The following ZRANB3 variants were observed in gnomAD, a reference collection of about 807,000 sequenced individuals.
The protein encoded by ZRANB3 is DNA annealing helicase and endonuclease ZRANB3.
Under a neutral mutation model 133.8 loss-of-function variants are expected in ZRANB3, and 125 were observed. The observed-to-expected ratio is 0.93, with a 90% confidence interval of 0.81 to 1.08. The LOEUF (loss-of-function observed/expected upper bound fraction) is 1.08. Ranked by LOEUF, ZRANB3 falls within the 50% of genes least tolerant of loss-of-function variation. The probability of loss-of-function intolerance (pLI) is 0.00; values close to 1 mark genes in which losing one functional copy is unlikely to be tolerated. For missense variants in ZRANB3, 1,229 were observed against 1,275.5 expected (o/e 0.96, Z 0.56); for synonymous variants, 387 against 432.7 (o/e 0.89, Z 1.31).
chr2:135,434,818 T>C (rs148791280), intron 2 of ZRANB3, among the ~76,000 whole-genome samples: 24 of 152,338 alleles, frequency 1.6e-4, no homozygotes, highest in Admixed American at 1.6e-3. Context: ...CATGGAGTTT[T>C]TGTAAATGAA....
intron 12 of ZRANB3, among the ~76,000 whole-genome samples, chr2:135,234,085 A>G (rs1307795773): frequency 6.6e-6 from 1 of 152,218 alleles, no homozygotes; most frequent in Non-Finnish European, 1.5e-5. Flanking sequence ...CTCAAAATAA[A>G]GGGATGGAGG....
intron 12 of ZRANB3, among the ~76,000 whole-genome samples, chr2:135,255,817 T>C (rs968681268): frequency 1.3e-5 from 2 of 151,972 alleles, no homozygotes; most frequent in Non-Finnish European, 2.9e-5. Flanking sequence ...TGAACAATCC[T>C]GGGCAATAGA....
intron 8 of ZRANB3, among the ~76,000 whole-genome samples, chr2:135,293,208 TG>T (rs1290242238): frequency 1.3e-5 from 2 of 152,224 alleles, no homozygotes; most frequent in African/African-American, 4.8e-5. Context: ...TTCATGACAT[TG>T]ATTCTTCCTA....
At chr2:135,340,231 G>A (rs1005872639) in intron 6 of ZRANB3, among the ~76,000 whole-genome samples, 88 of 151,336 alleles carry the variant, frequency 5.8e-4, no homozygotes, top group African/African-American at 2.1e-3. Flanking sequence ...TCAGCCTCCT[G>A]AGTAGCTGGG....
intron 5 of ZRANB3, among the ~76,000 whole-genome samples, chr2:135,347,861 A>C (rs1012864505): frequency 1.3e-5 from 2 of 152,190 alleles, no homozygotes; most frequent in African/African-American, 4.8e-5. Flanking sequence ...GACTATGTTA[A>C]ACAAGAAGAA....
intron 12 of ZRANB3, among the ~76,000 whole-genome samples, chr2:135,260,835 T>C (rs1305189407): frequency 6.9e-6 from 1 of 145,424 alleles, no homozygotes. Flanking sequence ...ATATTCTATA[T>C]ATATACTATA....
chr2:135,253,486 T>C lies in ZRANB3; in HGVS notation c.1539+12048A>G, dbSNP rs1490889583. Among the ~76,000 whole-genome samples the C allele has an allele frequency of 2.6e-5, 4 of 152,024 alleles. 1 individual carries two copies. The highest frequency in any genetic ancestry group is 6.3e-3 in the Middle Eastern group (2 of 316). ...GGAGATACAGACACACTCCGAGAAATGTATCTTTAGGTGATTTTGCAGTTG... is the reference window on the plus strand; with the variant it reads ...GGAGATACAGACACACTCCGAGAAACGTATCTTTAGGTGATTTTGCAGTTG... On this transcript the variant is annotated intron_variant, in intron 12 of 20. Coordinates refer to ENST00000264159, the MANE Select transcript of ZRANB3 (RefSeq NM_032143.4).
At chr2:135,250,436 A>C (rs1286764166) in intron 12 of ZRANB3, among the ~76,000 whole-genome samples, 3 of 152,244 alleles carry the variant, frequency 2.0e-5, no homozygotes, top group Admixed American at 2.0e-4. Context: ...AAGGAGCCTA[A>C]TGTTAATCCC....
At chr2:135,244,107 CAAAAA>C (rs566334496) in intron 12 of ZRANB3, among the ~76,000 whole-genome samples, 2 of 121,488 alleles carry the variant, frequency 1.6e-5, no homozygotes, top group Admixed American at 8.3e-5. Flanking sequence ...ATTTCCCCAC[CAAAAA>C]AAAAAAAAAA....
intron 1 of ZRANB3, among the ~76,000 whole-genome samples, chr2:135,525,214 C>T (rs900859430): frequency 5.3e-5 from 8 of 151,800 alleles, no homozygotes; most frequent in Admixed American, 5.3e-4. Context: ...AGACTAAACA[C>T]CAAAGGATAA....
At chr2:135,362,618 A>G (rs191851782) in intron 3 of ZRANB3, among the ~76,000 whole-genome samples, 70 of 152,300 alleles carry the variant, frequency 4.6e-4, no homozygotes, top group Non-Finnish European at 7.1e-4. Context: ...AGGCTCTGGA[A>G]TGGTCTGAGA....
chr2:135,382,831 C>T (rs1013559319), intron 3 of ZRANB3, among the ~76,000 whole-genome samples: 1 of 152,118 alleles, frequency 6.6e-6, no homozygotes, highest in Admixed American at 6.6e-5. Flanking sequence ...AAAAGAGCTC[C>T]TGAAGGAAGC....
rs771804305 is a variant in ZRANB3, at chr2:135,271,884, G to A, written c.1090C>T (p.Arg364Cys). The A allele has an allele frequency of 4.7e-5, 75 of 1,611,768 alleles. No homozygotes were observed. The highest frequency in any genetic ancestry group is 6.1e-5 in the Non-Finnish European group (72 of 1,179,278). The change falls in exon 10 of 21, where the codon CGT becomes TGT. Residue 364 changes from arginine (R) to cysteine (C), a missense_variant. Arg to Cys is a radical substitution (Grantham distance 180, BLOSUM62 -3). Coordinates refer to ENST00000264159, the MANE Select transcript of ZRANB3 (RefSeq NM_032143.4). The stretch of plus-strand genomic sequence containing the variant: ...ACACTTCCATCTATCCTAATGTAAC[G>A]AGTCTAGCATCAACAAGGAAAACGG... ...CTEAVIENKT[R>C]YIRIDGSVSS...
intron 3 of ZRANB3, among the ~76,000 whole-genome samples, chr2:135,365,379 G>T (rs975731904): frequency 6.6e-6 from 1 of 152,166 alleles, no homozygotes; most frequent in African/African-American, 2.4e-5. Context: ...CACTGAAAGG[G>T]TATCTAATTT....
intron 8 of ZRANB3, among the ~76,000 whole-genome samples, chr2:135,309,606 A>G (rs1442267039): frequency 6.6e-6 from 1 of 152,224 alleles, no homozygotes; most frequent in Admixed American, 6.5e-5. Flanking sequence ...AAACCTGGAA[A>G]TTTACATTTT....
intron 8 of ZRANB3, among the ~76,000 whole-genome samples, chr2:135,299,807 G>A (rs1288468964): frequency 6.6e-6 from 1 of 152,122 alleles, no homozygotes; most frequent in Non-Finnish European, 1.5e-5. Context: ...CTGTAGCATA[G>A]CGTTGTACAT....
intron 9 of ZRANB3, among the ~76,000 whole-genome samples, chr2:135,272,420 T>TTTTTTTTTTTTTTTTTTC: frequency 7.1e-6 from 1 of 140,652 alleles, no homozygotes; most frequent in African/African-American, 3.0e-5. Flanking sequence ...AGAGCTTTTT[T>TTTTTTTTTTTTTTTTTTC]TTTTTTTTTT....
At chr2:135,427,352 A>G (rs1461547052) in intron 2 of ZRANB3, among the ~76,000 whole-genome samples, 1 of 152,170 alleles carries the variant, frequency 6.6e-6, no homozygotes, top group African/African-American at 2.4e-5. Flanking sequence ...TCTGATGAAC[A>G]ACTTAAGCAA....
At chr2:135,374,407 CAAACT>C (rs1458818526) in intron 3 of ZRANB3, among the ~76,000 whole-genome samples, 3 of 151,718 alleles carry the variant, frequency 2.0e-5, no homozygotes, top group Admixed American at 6.6e-5. Context: ...CTACACTAAA[CAAACT>C]AAACTAAACT....
Sources: gnomAD v4.1 joint callset for allele counts (sites outside exome capture counted in the v4.1 genomes callset) on GRCh38, gnomAD v4.1.1 for gene constraint, MANE v1.5 for transcripts, NCBI Gene and HGNC (gene_info 2026-07-23, HGNC 2026-07-21) for gene names.